The following IGF2BP2 variants were observed in gnomAD, a reference collection of about 807,000 sequenced individuals.
The protein encoded by IGF2BP2 is insulin like growth factor 2 mRNA binding protein 2, also known as insulin-like growth factor 2 mRNA-binding protein 2.
Under a neutral mutation model 75.8 loss-of-function variants are expected in IGF2BP2, and 17 were observed. The ratio of observed to expected loss-of-function variants is 0.22; its 90% CI spans 0.15 to 0.34. IGF2BP2 has a LOEUF of 0.34. IGF2BP2 is among the 10% of genes least tolerant of loss of function. The pLI is 1.00. For synonymous variants in IGF2BP2, 288 were observed against 295.6 expected, an observed-to-expected ratio of 0.97 and a Z score of 0.26; for missense variants, 516 against 772.4, an observed-to-expected ratio of 0.67 and a Z score of 3.93.
At chr3:185,691,232 G>A (rs1721912996) in intron 5 of IGF2BP2, among the ~76,000 whole-genome samples, 1 of 152,090 alleles carries the variant, frequency 6.6e-6, no homozygotes, top group African/African-American at 2.4e-5. Flanking sequence ...CCGAGTAGCT[G>A]GGATTACAGG....
chr3:185,749,458 G>C lies in IGF2BP2; in HGVS notation c.240-51111C>G, dbSNP rs1332916140. 2.6e-5 allele frequency among the ~76,000 whole-genome samples: 4 copies of C among 152,170 alleles called. No individual in the cohort carries two copies. In the East Asian group the frequency reaches 7.7e-4, roughly 29 times the overall value. On this transcript the variant is annotated intron_variant, in intron 2 of 15. Transcript: ENST00000382199. ...AATGCTAAAGTCCAAGTTCAAACAA[G>C]CAATTAAAGTTGATACAAGAAGTAT...
chr3:185,652,292 G>T, intron 12 of IGF2BP2, 124 bp from the exon 13 acceptor site: 2 of 734,212 alleles, frequency 2.7e-6, no homozygotes, highest in Non-Finnish European at 2.2e-6. Context: ...CGTTACCCCT[G>T]GTTCTGTCTG....
intron 7 of IGF2BP2, among the ~76,000 whole-genome samples, chr3:185,677,068 T>TATATATATATATATATATATATATAG: frequency 2.8e-5 from 1 of 35,860 alleles, no homozygotes; most frequent in East Asian, 6.9e-4. Context: ...TATATATATA[T>TATATATATATATATATATATATATAG]AGAGAGAGAG....
At chr3:185,677,068 T>TATATATATATATAGAGAGAGAGAGAGAG in intron 7 of IGF2BP2, among the ~76,000 whole-genome samples, 12 of 35,856 alleles carry the variant, frequency 3.3e-4, no homozygotes, top group Non-Finnish European at 4.6e-4. Context: ...TATATATATA[T>TATATATATATATAGAGAGAGAGAGAGAG]AGAGAGAGAG....
chr3:185,795,298 CAA>C (rs1560482233), intron 2 of IGF2BP2, among the ~76,000 whole-genome samples: 1 of 152,158 alleles, frequency 6.6e-6, no homozygotes, highest in Non-Finnish European at 1.5e-5. Context: ...TAACATGTGT[CAA>C]AATTCCCTTC....
chr3:185,648,305 T>C (rs1713956698), intron 14 of IGF2BP2, among the ~76,000 whole-genome samples: 1 of 151,342 alleles, frequency 6.6e-6, no homozygotes, highest in South Asian at 2.1e-4. Flanking sequence ...ATACTAAAAA[T>C]ATAAAAAATT....
At chr3:185,655,835 A>G (rs1187719831) in intron 12 of IGF2BP2, among the ~76,000 whole-genome samples, 2 of 152,192 alleles carry the variant, frequency 1.3e-5, no homozygotes, top group African/African-American at 4.8e-5. Flanking sequence ...CTCATTCTTC[A>G]GCTTTGTGGC....
At chr3:185,681,038 G>T (rs1397935989) in intron 7 of IGF2BP2, among the ~76,000 whole-genome samples, 2 of 152,134 alleles carry the variant, frequency 1.3e-5, no homozygotes, top group African/African-American at 4.8e-5. Context: ...AACAAGGCAA[G>T]GATGCCCACT....
intron 7 of IGF2BP2, among the ~76,000 whole-genome samples, chr3:185,678,621 G>C (rs1267903794): frequency 6.6e-6 from 1 of 152,124 alleles, no homozygotes; most frequent in Non-Finnish European, 1.5e-5. Flanking sequence ...GCCATTGTTG[G>C]GTGGAATGTT....
rs79173458 is a variant in IGF2BP2 at position 185,807,387 on chromosome 3, T to C, written c.239+15766A>G. On this transcript the variant is annotated intron_variant, in intron 2 of 15. Transcript: ENST00000382199. ...GGGATAACAGTATCTTCCTTCCTCA[T>C]TCTACAAAATGTTGTGAAAATTCAG... 6.9e-3 allele frequency among the ~76,000 whole-genome samples: 1,050 copies of C among 152,338 alleles called. 15 individuals are homozygous for C. The highest frequency in any genetic ancestry group is 9.4e-3 in the Non-Finnish European group (641 of 68,022).
In IGF2BP2 at chr3:185,643,256, T is replaced by A. The variant is rs1712953419; in HGVS notation, c.*2275A>T. On this transcript the variant is annotated 3_prime_UTR_variant, in exon 16 of 16. Transcript: ENST00000382199. ...TCCCGTGGAGGCGTGAAGTGCCTCT[T>A]CCCGGAACTGCCGGGCATATTATCC... 6.6e-6 allele frequency among the ~76,000 whole-genome samples: 1 copy of A among 152,182 alleles called. No homozygotes were observed.
At chr3:185,792,547 C>T (rs552809549) in intron 2 of IGF2BP2, among the ~76,000 whole-genome samples, 5 of 151,704 alleles carry the variant, frequency 3.3e-5, no homozygotes, top group South Asian at 2.1e-4. Context: ...GGGTGGATCA[C>T]GAGGTCAGGA....
At chr3:185,812,947 T>C (rs1373143914) in intron 2 of IGF2BP2, among the ~76,000 whole-genome samples, 1 of 152,254 alleles carries the variant, frequency 6.6e-6, no homozygotes, top group African/African-American at 2.4e-5. Flanking sequence ...CTAAAGCCAC[T>C]GATCAATTTC....
In IGF2BP2 at chr3:185,770,195, G is replaced by A. The variant is rs528410723; in HGVS notation, c.239+52958C>T. 2.9e-4 allele frequency among the ~76,000 whole-genome samples: 44 copies of A among 152,254 alleles called. No individual in the cohort carries two copies. In the South Asian group the frequency reaches 3.3e-3, roughly 12 times the overall value. On this transcript the variant is annotated intron_variant, in intron 2 of 15. Coordinates refer to ENST00000382199, the MANE Select transcript of IGF2BP2 (RefSeq NM_006548.6). The stretch of plus-strand genomic sequence containing the variant: ...GTCTCATAAGAAGGGATGTGGTGGC[G>A]GGCGTGTAATTTACATCAGAAAAAT...
chr3:185,788,859 C>G (rs567620507), intron 2 of IGF2BP2, among the ~76,000 whole-genome samples: 2 of 152,128 alleles, frequency 1.3e-5, no homozygotes, highest in East Asian at 3.9e-4. Context: ...ATTACAGGCA[C>G]TGCCACCACA....
At chr3:185,698,394 A>C in intron 2 of IGF2BP2, 47 bp from the exon 3 acceptor site, 1 of 1,545,804 alleles carries the variant, frequency 6.5e-7, no homozygotes. Context: ...CAGGACACAA[A>C]CTACAGCAAA....
At chr3:185,771,257 T>A (rs769451027) in intron 2 of IGF2BP2, among the ~76,000 whole-genome samples, 25 of 152,024 alleles carry the variant, frequency 1.6e-4, no homozygotes, top group Non-Finnish European at 3.5e-4. Flanking sequence ...CTGGCCAAGA[T>A]GGTGAAACCC....
At chr3:185,677,068 T>TATATATATATAGAGAG in intron 7 of IGF2BP2, among the ~76,000 whole-genome samples, 29 of 35,846 alleles carry the variant, frequency 8.1e-4, no homozygotes, top group South Asian at 2.2e-3. Context: ...TATATATATA[T>TATATATATATAGAGAG]AGAGAGAGAG....
Position 185,644,971 on chromosome 3 carries a change from A to G in IGF2BP2, c.*560T>C, listed in dbSNP as rs1713266939. The G allele has an allele frequency of 6.6e-6, 1 of 152,396 alleles. No homozygotes were observed. Among genetic ancestry groups the G allele is most frequent in the South Asian group, 2.1e-4 (1 of 4,828 alleles). The allele number at this position is 152,396 out of a possible 1,614,324, so 9.4% of individuals were successfully genotyped here. On this transcript the variant is annotated 3_prime_UTR_variant, in exon 16 of 16. Coordinates refer to ENST00000382199, the MANE Select transcript of IGF2BP2 (RefSeq NM_006548.6). The stretch of plus-strand genomic sequence containing the variant: ...AAGACTTTATTCTTTAAAGTCTAGA[A>G]AAGCCTGCTTTCTCTTTAAAAAGAA...
Sources: allele counts gnomAD v4.1 joint callset (sites outside exome capture counted in the v4.1 genomes callset), GRCh38; gene constraint gnomAD v4.1.1; transcripts MANE v1.5; gene names NCBI Gene and HGNC (gene_info 2026-07-23, HGNC 2026-07-21).